The following AHCTF1 variants were observed in gnomAD, a reference collection of about 807,000 sequenced individuals.
AHCTF1 encodes the protein protein ELYS.
In AHCTF1, 24 loss-of-function variants were observed where a neutral mutation model predicts 248.4. The ratio of observed to expected loss-of-function variants is 0.10; its 90% CI spans 0.07 to 0.14. AHCTF1 has a LOEUF of 0.14. AHCTF1 is among the 10% of genes least tolerant of loss of function. AHCTF1 has a pLI of 1.00. For synonymous variants in AHCTF1, 786 were observed against 929.8 expected (o/e 0.85, Z 2.81); for missense variants, 2,206 against 2,636.2 (o/e 0.84, Z 3.57).
chr1:246,871,877 C>T (rs1613209), intron 24 of AHCTF1, among the ~76,000 whole-genome samples: 83,862 of 151,652 alleles, frequency 0.55, 24,066 homozygotes, highest in African/African-American at 0.71. Context: ...AAAATAATAA[C>T]AACCTAAAGA....
intron 8 of AHCTF1, among the ~76,000 whole-genome samples, chr1:246,902,300 TTAAAA>T (rs1183802511): frequency 1.3e-5 from 2 of 152,184 alleles, no homozygotes; most frequent in Non-Finnish European, 2.9e-5. Context: ...GAGAACTAGA[TTAAAA>T]TAAAAGGGTC....
chr1:246,853,771 TAAC>T (rs1344219007), intron 31 of AHCTF1, among the ~76,000 whole-genome samples: 2 of 152,184 alleles, frequency 1.3e-5, no homozygotes, highest in Non-Finnish European at 2.9e-5. Context: ...CTTTAGTGTT[TAAC>T]AACAACAAAA....
At chr1:246,921,773 AG>A (rs1356490171) in intron 1 of AHCTF1, among the ~76,000 whole-genome samples, 4 of 152,240 alleles carry the variant, frequency 2.6e-5, no homozygotes, top group African/African-American at 9.6e-5. Flanking sequence ...TATTACTGAA[AG>A]GATCCTTAAC....
At chr1:246,859,218 A>G (rs976646151) in intron 29 of AHCTF1, among the ~76,000 whole-genome samples, 1 of 152,264 alleles carries the variant, frequency 6.6e-6, no homozygotes, top group African/African-American at 2.4e-5. Flanking sequence ...ACTACTTAAG[A>G]TGCAGATTTT....
intron 3 of AHCTF1, among the ~76,000 whole-genome samples, chr1:246,914,357 A>T (rs919207144): frequency 3.3e-5 from 5 of 152,228 alleles, no homozygotes; most frequent in Non-Finnish European, 7.3e-5. Context: ...TGGCAAGAAA[A>T]GAAAATATCT....
At chr1:246,922,710 C>G (rs1037051172) in intron 1 of AHCTF1, among the ~76,000 whole-genome samples, 1 of 151,122 alleles carries the variant, frequency 6.6e-6, no homozygotes, top group Non-Finnish European at 1.5e-5. Flanking sequence ...AGGCTGGGCG[C>G]AGTGGCTCAC....
chr1:246,929,907 C>A (rs570593701), intron 1 of AHCTF1, among the ~76,000 whole-genome samples: 2 of 152,186 alleles, frequency 1.3e-5, no homozygotes, highest in East Asian at 3.9e-4. Context: ...CAAAAATTAG[C>A]CGGGTGTGGT....
At chr1:246,869,041 T>G (rs1429288009) in intron 24 of AHCTF1, among the ~76,000 whole-genome samples, 1 of 151,610 alleles carries the variant, frequency 6.6e-6, no homozygotes, top group Non-Finnish European at 1.5e-5. Context: ...AGACGGGGTT[T>G]CACCATGTTG....
chr1:246,849,359 CAGAAG>C (rs1572358279), intron 33 of AHCTF1, among the ~76,000 whole-genome samples: 1 of 152,154 alleles, frequency 6.6e-6, no homozygotes, highest in African/African-American at 2.4e-5. Flanking sequence ...ATAAAACTCA[CAGAAG>C]AGAAATTACA....
At chr1:246,841,911 C>T (rs144204001) in intron 35 of AHCTF1, among the ~76,000 whole-genome samples, 32,364 of 151,532 alleles carry the variant, frequency 0.21, 3,837 homozygotes, top group East Asian at 0.41. Context: ...GCCTCAGCCT[C>T]CAGAGTAGCT....
chr1:246,931,362 G>A (rs1667346163), intron 1 of AHCTF1: 3 of 1,529,140 alleles, frequency 2.0e-6, no homozygotes, highest in Non-Finnish European at 2.6e-6. Flanking sequence ...ATTATGTAAC[G>A]AAGCCCGGCG....
rs1661204441 is a variant in AHCTF1, at chr1:246,857,706, G to A, written c.4241C>T (p.Pro1414Leu). Residue 1414 changes from proline to leucine, a missense_variant, in exon 30 of 36, where the codon CCA becomes CTA. By Grantham distance (98) the Pro-to-Leu change is moderately conservative. Transcript: ENST00000648844. ...VQGTEASLCA[P>L]SVYEGKIFTQ... Reference sequence around the variant, plus strand: ...ATTAACTTACCCTTCATAGACTGATGGTGCACAAAGAGAAGCTTCAGTTCC... The same window carrying A: ...ATTAACTTACCCTTCATAGACTGATAGTGCACAAAGAGAAGCTTCAGTTCC... 6.2e-7 allele frequency: 1 copy of A among 1,612,764 alleles called. No individual in the cohort carries two copies. The highest frequency in any genetic ancestry group is 8.5e-7 in the Non-Finnish European group (1 of 1,179,802).
chr1:246,909,397 A>C (rs1350128626), intron 4 of AHCTF1, among the ~76,000 whole-genome samples: 6 of 33,400 alleles, frequency 1.8e-4, no homozygotes, highest in African/African-American at 1.4e-3. Flanking sequence ...AGCCTCTCAA[A>C]AAAAAAAAAA....
chr1:246,873,538 G>A (rs1026134213), intron 24 of AHCTF1, among the ~76,000 whole-genome samples: 1 of 152,020 alleles, frequency 6.6e-6, no homozygotes, highest in African/African-American at 2.4e-5. Flanking sequence ...TGAAGGGAAA[G>A]AATCCGTCCC....
chr1:246,846,278 C>T (rs1052208069), intron 33 of AHCTF1, among the ~76,000 whole-genome samples: 1 of 151,594 alleles, frequency 6.6e-6, no homozygotes, highest in Non-Finnish European at 1.5e-5. Flanking sequence ...CCAGTCTTCT[C>T]GGCACCTGCA....
intron 17 of AHCTF1, 37 bp from the exon 18 acceptor site, chr1:246,888,554 ACT>A (rs1201101895): frequency 1.2e-6 from 2 of 1,604,064 alleles, no homozygotes; most frequent in Non-Finnish European, 1.7e-6. Flanking sequence ...ATTTAATATC[ACT>A]GTTAATTAAT....
At chr1:246,893,294 A>G (rs1371097294) in intron 14 of AHCTF1, among the ~76,000 whole-genome samples, 1 of 152,250 alleles carries the variant, frequency 6.6e-6, no homozygotes, top group Non-Finnish European at 1.5e-5. Context: ...TCATAAGTAT[A>G]GTCTAAAAAC....
At chr1:246,888,052 C>T (rs1378456540) in intron 19 of AHCTF1, 125 bp downstream of exon 19, 13 of 987,280 alleles carry the variant, frequency 1.3e-5, no homozygotes, top group Non-Finnish European at 1.8e-5. Flanking sequence ...CCTGGGTTAA[C>T]ACCTCTTCTT....
intron 33 of AHCTF1, among the ~76,000 whole-genome samples, chr1:246,848,828 C>A (rs1219449125): frequency 2.0e-5 from 3 of 147,608 alleles, no homozygotes; most frequent in Non-Finnish European, 4.4e-5. Context: ...CCAGCCTGGG[C>A]GACAGAGTGA....
Sources: gnomAD v4.1 joint callset for allele counts (sites outside exome capture counted in the v4.1 genomes callset) on GRCh38, gnomAD v4.1.1 for gene constraint, MANE v1.5 for transcripts, NCBI Gene and HGNC (gene_info 2026-07-23, HGNC 2026-07-21) for gene names.